The following NEBL variants were observed in gnomAD, a reference collection of about 807,000 sequenced individuals.
NEBL encodes nebulette.
NEBL carries 122 observed loss-of-function variants against 140.2 expected under a neutral mutation model. The ratio of observed to expected loss-of-function variants is 0.87; its 90% confidence interval spans 0.75 to 1.01. The LOEUF (loss-of-function observed/expected upper bound fraction) is 1.01, where lower values mean the gene tolerates loss of function less well. Ranked by LOEUF, NEBL falls within the 50% of genes least tolerant of loss-of-function variation. NEBL has a pLI of 0.00. For synonymous variants in NEBL, 436 were observed against 398.9 expected, an observed-to-expected ratio of 1.09 and a Z score of -1.11; for missense variants, 1,365 against 1,231.3, an observed-to-expected ratio of 1.11 and a Z score of -1.62.
At chr10:21,041,651 T>C (rs1338381569) in intron 2 of NEBL, among the ~76,000 whole-genome samples, 1 of 152,174 alleles carries the variant, frequency 6.6e-6, no homozygotes, top group African/African-American at 2.4e-5. Flanking sequence ...CTTTTTTTTA[T>C]TATTATTGAA....
At chr10:21,190,485 A>G (rs1484798413) in intron 3 of NEBL, among the ~76,000 whole-genome samples, 2 of 152,184 alleles carry the variant, frequency 1.3e-5, no homozygotes, top group African/African-American at 4.8e-5. Context: ...CTCTGTCTCT[A>G]ATTAAAAAAC....
At chr10:21,195,570 G>T (rs767113539) in intron 3 of NEBL, among the ~76,000 whole-genome samples, 1 of 152,142 alleles carries the variant, frequency 6.6e-6, no homozygotes, top group Non-Finnish European at 1.5e-5. Context: ...CTAAATACTG[G>T]ATGTCAGCCA....
At chr10:21,054,844 A>G (rs577596362) in intron 2 of NEBL, among the ~76,000 whole-genome samples, 3 of 152,154 alleles carry the variant, frequency 2.0e-5, no homozygotes, top group Non-Finnish European at 4.4e-5. Context: ...AAATGCCCAA[A>G]TTTTTCAATT....
intron 2 of NEBL, among the ~76,000 whole-genome samples, chr10:21,105,831 C>A (rs1837691774): frequency 1.3e-5 from 2 of 152,190 alleles, no homozygotes; most frequent in South Asian, 4.1e-4. Flanking sequence ...TATTTCTCTA[C>A]ATCCTCTCCA....
chr10:21,038,439 C>T (rs1233841104), intron 2 of NEBL, among the ~76,000 whole-genome samples: 1 of 152,130 alleles, frequency 6.6e-6, no homozygotes, highest in Non-Finnish European at 1.5e-5. Context: ...TCAACTCCCA[C>T]TTATGAGTGA....
At chr10:20,944,293 G>A (rs1835049431) in intron 4 of NEBL, among the ~76,000 whole-genome samples, 1 of 152,084 alleles carries the variant, frequency 6.6e-6, no homozygotes. Context: ...CCAGCTACTT[G>A]GAAGGCTGAA....
intron 20 of NEBL, chr10:20,818,874 A>G: frequency 1.0e-6 from 1 of 989,240 alleles, no homozygotes; most frequent in Non-Finnish European, 1.2e-6. Context: ...CCAAAAATGC[A>G]GAGGGTGTAA....
intron 4 of NEBL, among the ~76,000 whole-genome samples, chr10:20,946,013 T>C (rs1221323133): frequency 6.6e-6 from 1 of 152,172 alleles, no homozygotes; most frequent in Non-Finnish European, 1.5e-5. Flanking sequence ...ATAACAAACA[T>C]GAAAGATGGC....
chr10:21,227,711 T>TTCTTCTTCTTTCTTCTTC (rs1456600511), intron 3 of NEBL, among the ~76,000 whole-genome samples: 5 of 46,452 alleles, frequency 1.1e-4, no homozygotes, highest in Admixed American at 2.4e-4. Context: ...CTTCTTCTTC[T>TTCTTCTTCTTTCTTCTTC]TTCTTCTTCT....
At chr10:21,213,847 G>T (rs1341378144) in intron 3 of NEBL, among the ~76,000 whole-genome samples, 1 of 152,122 alleles carries the variant, frequency 6.6e-6, no homozygotes, top group African/African-American at 2.4e-5. Context: ...CATCTTCCAT[G>T]TTCTGTGCCC....
chr10:21,148,405 G>A (rs1839996434), intron 2 of NEBL, among the ~76,000 whole-genome samples: 1 of 152,212 alleles, frequency 6.6e-6, no homozygotes, highest in Non-Finnish European at 1.5e-5. Flanking sequence ...TAGCATCAGT[G>A]ATGAAGGTGA....
chr10:21,039,269 C>T (rs1834156631), intron 2 of NEBL, among the ~76,000 whole-genome samples: 1 of 152,022 alleles, frequency 6.6e-6, no homozygotes, highest in African/African-American at 2.4e-5. Context: ...GTTGCCATTG[C>T]TTTTGGTGTT....
chr10:21,061,717 T>G (rs376690666), intron 2 of NEBL, among the ~76,000 whole-genome samples: 10 of 152,278 alleles, frequency 6.6e-5, no homozygotes, highest in African/African-American at 2.4e-4. Context: ...TTCCTTTAAA[T>G]GATGTTTTTA....
rs564845893 is a variant in NEBL, at chr10:20,850,362, A to G, written c.1116+33T>C. 1.8e-5 allele frequency: 26 copies of G among 1,451,188 alleles called. No homozygotes were observed. In the South Asian group the frequency reaches 2.7e-4, roughly 15 times the overall value. 89.9% of individuals were successfully genotyped at this position (1,451,188 alleles called of 1,614,324 possible). A position where few individuals can be genotyped will look rare whatever the true frequency, so the allele number is the denominator to read the frequency against. On this transcript the variant is annotated intron_variant, in intron 11 of 27. Coordinates refer to ENST00000377122, the MANE Select transcript of NEBL (RefSeq NM_006393.3). Reference sequence around the variant, plus strand: ...TCAAATGACAAAACATCAAATTTACATTAAACAATTAGTAACAAACTAATT... The same window carrying G: ...TCAAATGACAAAACATCAAATTTACGTTAAACAATTAGTAACAAACTAATT...
intron 26 of NEBL, among the ~76,000 whole-genome samples, chr10:20,787,989 T>C (rs1835574363): frequency 6.6e-6 from 1 of 152,228 alleles, no homozygotes; most frequent in Admixed American, 6.5e-5. Flanking sequence ...ATAAACATTA[T>C]TCTTCTATAT....
chr10:20,858,312 A>G lies in NEBL; in HGVS notation c.831T>C (p.His277=). 6.2e-7 allele frequency: 1 copy of G among 1,609,810 alleles called. No homozygotes were observed. The highest frequency in any genetic ancestry group is 8.5e-7 in the Non-Finnish European group (1 of 1,176,028). The stretch of plus-strand genomic sequence containing the variant: ...AATTTGGGAGATCTGAAACTGGATC[A>G]TGCATATTTTGAATGTCTTTCTTGT... ...VKYKKDIQNM[H]DPVSDLPNLL... Residue 277 remains histidine, a synonymous_variant, in exon 9 of 28, where the codon CAT becomes CAC. Coordinates refer to ENST00000377122, the MANE Select transcript of NEBL (RefSeq NM_006393.3).
At chr10:21,154,439 A>G (rs1840260959) in intron 2 of NEBL, among the ~76,000 whole-genome samples, 1 of 144,538 alleles carries the variant, frequency 6.9e-6, no homozygotes, top group Admixed American at 6.9e-5. Flanking sequence ...ATCCTGAGTG[A>G]CAGAGTGAGA....
intron 2 of NEBL, among the ~76,000 whole-genome samples, chr10:21,026,516 C>T (rs761496794): frequency 1.3e-5 from 2 of 152,192 alleles, no homozygotes; most frequent in African/African-American, 2.4e-5. Flanking sequence ...GCCACCATGG[C>T]CCCTTAATCT....
intron 4 of NEBL, among the ~76,000 whole-genome samples, chr10:20,920,483 C>T (rs573168553): frequency 1.4e-4 from 21 of 152,144 alleles, no homozygotes; most frequent in Admixed American, 5.2e-4. Context: ...TTCTGCATAC[C>T]GCTAAGGAGT....
Sources: gnomAD v4.1 joint callset for allele counts (sites outside exome capture counted in the v4.1 genomes callset) on GRCh38, gnomAD v4.1.1 for gene constraint, MANE v1.5 for transcripts, NCBI Gene and HGNC (gene_info 2026-07-23, HGNC 2026-07-21) for gene names.